The following TCP11 variants were observed in gnomAD, a reference collection of about 807,000 sequenced individuals.
TCP11 encodes the protein T-complex protein 11 homolog.
Under a neutral mutation model 45.0 loss-of-function variants are expected in TCP11, and 34 were observed. The ratio of observed to expected loss-of-function variants is 0.76; its 90% CI spans 0.57 to 1.01. The LOEUF (loss-of-function observed/expected upper bound fraction) is 1.01. Ranked by LOEUF, TCP11 falls within the 50% of genes least tolerant of loss-of-function variation. The probability of loss-of-function intolerance (pLI) is 0.00; values close to 1 mark genes in which losing one functional copy is unlikely to be tolerated. For missense variants in TCP11, 523 were observed against 598.1 expected (o/e 0.87, Z 1.31); for synonymous variants, 227 against 227.0 (o/e 1.00, Z 0.00).
chr6:35,129,988 G>C (rs748088690), intron 3 of TCP11, among the ~76,000 whole-genome samples: 3 of 151,922 alleles, frequency 2.0e-5, no homozygotes, highest in African/African-American at 7.3e-5. Context: ...CCGCTATGTT[G>C]CTCGGGCTGG....
Position 35,118,469 on chromosome 6 carries a change from A to AAG in TCP11, c.1311_1312insCT (p.Val439TrpfsTer10), listed in dbSNP as rs778978619. 1.2e-5 allele frequency: 19 copies of AAG among 1,613,976 alleles called. No homozygotes were observed. The highest frequency in any genetic ancestry group is 1.6e-5 in the Non-Finnish European group (19 of 1,179,998). ...AGAGACCGCTGCACACCAAGAACCA[A>AAG]ACAGCATTTGAGAAACAAATGGATC... On this transcript the variant is annotated frameshift_variant, in exon 10 of 10. Coordinates refer to ENST00000311875, the MANE Select transcript of TCP11 (RefSeq NM_001370687.1). LOFTEE classifies it high-confidence loss of function.
chr6:35,122,272 G>A lies in TCP11; in HGVS notation c.423C>T (p.Asp141=), dbSNP rs1036484491. ...RLRIEIEEAL[D]MDLLKQEAEH... is the part of the protein sequence containing the mutation. ...CTGCCTCCTGCTTGAGCAAGTCCAT[G>A]TCCAGAGCTTCTTCAATCTCAATTC... The change falls in exon 5 of 10, where the codon GAC becomes GAT. Residue 141 remains aspartate, a synonymous_variant. Coordinates refer to ENST00000311875, the MANE Select transcript of TCP11 (RefSeq NM_001370687.1). 7 of 1,614,040 alleles carry A rather than the reference G, an allele frequency of 4.3e-6. No homozygotes were observed. The Admixed American group carries it at 5.0e-5, about 12-fold the overall frequency.
intron 2 of TCP11, chr6:35,139,966 A>G (rs567909660): frequency 4.5e-6 from 7 of 1,569,472 alleles, no homozygotes; most frequent in Non-Finnish European, 8.7e-7. Context: ...TCATTTAAAT[A>G]GACACCTCAA....
Position 35,119,418 on chromosome 6 carries a change from C to A in TCP11, c.1116-27G>T, listed in dbSNP as rs138469830. On this transcript the variant is annotated intron_variant, in intron 8 of 9. Transcript: ENST00000311875. ...TAGACCATGAAAGAAAGTAAGCTGG[C>A]ACCCACCAGGTAACCCTGGCATAGG... is the stretch of plus-strand genomic sequence containing the variant. The A allele has an allele frequency of 1.9e-4, 304 of 1,610,128 alleles. 3 individuals carry two copies. In the East Asian group the frequency reaches 6.7e-3, roughly 35 times the overall value.
intron 3 of TCP11, among the ~76,000 whole-genome samples, chr6:35,132,261 C>G (rs938752435): frequency 1.1e-4 from 17 of 152,236 alleles, no homozygotes; most frequent in African/African-American, 3.9e-4. Context: ...CAACCTTTCA[C>G]ACCAAGACCA....
intron 2 of TCP11, 77 bp from the exon 3 acceptor site, chr6:35,136,295 C>A: frequency 3.7e-6 from 4 of 1,081,336 alleles, no homozygotes; most frequent in Non-Finnish European, 4.1e-6. Flanking sequence ...CTAGTAGGCC[C>A]CAAATTTAGA....
intron 5 of TCP11, among the ~76,000 whole-genome samples, chr6:35,121,490 G>T (rs568619575): frequency 1.3e-5 from 2 of 150,220 alleles, no homozygotes; most frequent in African/African-American, 4.9e-5. Flanking sequence ...TCCTCATAGT[G>T]TGTGAACCGA....
Position 35,119,216 on chromosome 6 carries a change from A to G in TCP11, c.1279+12T>C, listed in dbSNP as rs371781111. Reference sequence around the variant, plus strand: ...TCCCTCACCATTCTTACTACCCCACAAGCATACTCACCAATAACACTGCAG... The same window carrying G: ...TCCCTCACCATTCTTACTACCCCACGAGCATACTCACCAATAACACTGCAG... On this transcript the variant is annotated intron_variant, in intron 9 of 9. Coordinates refer to ENST00000311875, the MANE Select transcript of TCP11 (RefSeq NM_001370687.1). The G allele has an allele frequency of 2.0e-5, 33 of 1,613,540 alleles. No homozygotes were observed. Among genetic ancestry groups the G allele is most frequent in the Non-Finnish European group, 2.8e-5 (33 of 1,179,714 alleles).
chr6:35,131,128 C>T (rs1780382761), intron 3 of TCP11, among the ~76,000 whole-genome samples: 2 of 152,122 alleles, frequency 1.3e-5, no homozygotes, highest in Admixed American at 6.5e-5. Context: ...CAAAAATTAG[C>T]TGGGTGTAGT....
At position 35,119,264 on chromosome 6, in the gene TCP11, T is replaced by C; in HGVS notation, c.1243A>G (p.Ile415Val). ...CAGACACAGTTCTCCTTCTTGGCAA[T>C]GTTCTGGAGCTGTCCCATTAGAGAT... ...TASLMGQLQN[I>V]AKKENCVCSV... The change falls in exon 9 of 10, where the codon ATT becomes GTT. Residue 415 changes from isoleucine (I) to valine (V), a missense_variant. Physicochemically the swap from Ile to Val is conservative, Grantham distance 29. Around this residue, in one of 2 missense-constraint regions of TCP11, gnomAD observed 298 missense variants for 387.9 expected, o/e 0.77. Coordinates refer to ENST00000311875, the MANE Select transcript of TCP11 (RefSeq NM_001370687.1). The C allele has an allele frequency of 6.2e-7, 1 of 1,614,222 alleles. No homozygotes were observed. The highest frequency in any genetic ancestry group is 1.3e-5 in the African/African-American group (1 of 75,058).
chr6:35,122,671 A>C (rs1414300652), intron 4 of TCP11, among the ~76,000 whole-genome samples: 1 of 152,206 alleles, frequency 6.6e-6, no homozygotes, highest in Non-Finnish European at 1.5e-5. Flanking sequence ...TTAACTTTAA[A>C]AGGGAGGCAT....
At chr6:35,139,955 C>A in intron 2 of TCP11, 1 of 1,500,660 alleles carries the variant, frequency 6.7e-7, no homozygotes, top group Non-Finnish European at 9.2e-7. Flanking sequence ...TATATATGGA[C>A]TCATTTAAAT....
chr6:35,122,041 A>G (rs1779316921), intron 5 of TCP11, 76 bp downstream of exon 5: 4 of 1,416,474 alleles, frequency 2.8e-6, no homozygotes, highest in African/African-American at 2.8e-5. Flanking sequence ...GACGATGGCT[A>G]TAATCTAGGT....
At chr6:35,136,308 A>C (rs1025754173) in intron 2 of TCP11, 90 bp from the exon 3 acceptor site, 3 of 938,916 alleles carry the variant, frequency 3.2e-6, no homozygotes, top group East Asian at 2.6e-5. Context: ...AATTTAGATT[A>C]ATCAAACTGG....
rs1167831775 is a variant in TCP11, at chr6:35,129,088, G to T, written c.331C>A (p.Leu111Ile). The change falls in exon 4 of 10, where the codon CTT (leucine) becomes ATT (isoleucine). Residue 111 changes from leucine (L) to isoleucine (I), a missense_variant. Transcript: ENST00000311875. The stretch of plus-strand genomic sequence containing the variant: ...TCTTTAATTTCTTTCAGAAGTTCAA[G>T]AGCACAGCTGAAGTCAGGGGGAGTT... Reference protein sequence around the residue: ...SATPPDFSCALELLKEIKEIL... With the variant: ...SATPPDFSCAIELLKEIKEIL... 6 of 1,614,078 alleles carry T rather than the reference G, an allele frequency of 3.7e-6. No individual in the cohort carries two copies. The highest frequency in any genetic ancestry group is 4.2e-6 in the Non-Finnish European group (5 of 1,180,002).
At chr6:35,138,430 C>A (rs1172008232) in intron 2 of TCP11, among the ~76,000 whole-genome samples, 1 of 152,120 alleles carries the variant, frequency 6.6e-6, no homozygotes. Context: ...TCCGCAACAA[C>A]GCAGATGGAA....
At position 35,119,370 on chromosome 6, in the gene TCP11, A is replaced by G. The variant is rs760683639; in HGVS notation, c.1137T>C (p.Thr379=). The part of the protein sequence containing the change: ...FHSRPEEAIL[T]VSEQVSQEIH... ...TTTCCTGAGATACCTGTTCACTCAC[A>G]GTCAGTATAGCTTCCTCAGGCCTAG... The change falls in exon 9 of 10, where the codon ACT becomes ACC. Residue 379 remains threonine (T), a synonymous_variant. Coordinates refer to ENST00000311875, the MANE Select transcript of TCP11 (RefSeq NM_001370687.1). 16 of 1,614,120 alleles carry G rather than the reference A, an allele frequency of 9.9e-6. No individual in the cohort carries two copies. In the African/African-American group the frequency reaches 2.0e-4, roughly 20 times the overall value.
At chr6:35,128,168 G>A (rs964879050) in intron 4 of TCP11, 2 of 152,184 alleles carry the variant, frequency 1.3e-5, no homozygotes, top group Non-Finnish European at 2.9e-5. Flanking sequence ...GTGTTAGCTG[G>A]GCTGCATTCT....
Position 35,126,309 on chromosome 6 carries a change from A to C in TCP11, c.357+2753T>G, listed in dbSNP as rs538678974. 3.3e-5 allele frequency among the ~76,000 whole-genome samples: 5 copies of C among 152,358 alleles called. No homozygotes were observed. The East Asian group carries it at 9.6e-4, about 29-fold the overall frequency. On this transcript the variant is annotated intron_variant, in intron 4 of 9. Coordinates refer to ENST00000311875, the MANE Select transcript of TCP11 (RefSeq NM_001370687.1). ...GCGAGATTCATCCTTACTGGGATAG[A>C]CACATATTCTGGATATGGAGTTGTC...
Sources: gnomAD v4.1 joint callset for allele counts (sites outside exome capture counted in the v4.1 genomes callset) on GRCh38, gnomAD v4.1.1 for gene constraint, gnomAD v4.1.1 regional missense constraint, MANE v1.5 for transcripts, NCBI Gene and HGNC (gene_info 2026-07-23, HGNC 2026-07-21) for gene names.